FRK: variants seen among roughly 807,000 people sequenced by gnomAD.
The protein encoded by FRK is tyrosine-protein kinase FRK.
In FRK, 51 loss-of-function variants were observed where a neutral mutation model predicts 56.4. The ratio of observed to expected loss-of-function variants is 0.90; its 90% CI spans 0.72 to 1.14. The LOEUF (loss-of-function observed/expected upper bound fraction) is 1.14, where lower values mean the gene tolerates loss of function less well. Ranked by LOEUF, FRK falls within the 50% of genes most tolerant of loss-of-function variation. The pLI is 0.00. For synonymous variants in FRK, 245 were observed against 217.9 expected (o/e 1.12, Z -1.10); for missense variants, 570 against 601.4 (o/e 0.95, Z 0.55).
chr6:116,065,926 C>A, the FRK span, among the ~76,000 whole-genome samples: 1 of 152,138 alleles, frequency 6.6e-6, no homozygotes. Context: ...AAGCATATTG[C>A]CCTGTCTTTG....
Position 116,060,446 on chromosome 6 carries a change from C to T in FRK, c.-135G>A, listed in dbSNP as rs1389359937. The T allele has an allele frequency of 7.5e-6, 5 of 666,604 alleles. No individual in the cohort carries two copies. The highest frequency in any genetic ancestry group is 5.4e-5 in the African/African-American group (3 of 55,128). The allele number at this position is 666,604 out of a possible 1,614,324, so 41.3% of individuals were successfully genotyped here. A position where few individuals can be genotyped will look rare whatever the true frequency, so the allele number is the denominator to read the frequency against. On this transcript the variant is annotated 5_prime_UTR_variant, in exon 1 of 8. Transcript: ENST00000606080. ...ATACTTCGGAGAGTATGCAAAGTCC[C>T]GTTTCAGATCAGTCCAGCAGCTGGG...
At chr6:115,994,941 G>A (rs1440813330) in intron 2 of FRK, among the ~76,000 whole-genome samples, 1 of 152,094 alleles carries the variant, frequency 6.6e-6, no homozygotes, top group Non-Finnish European at 1.5e-5. Context: ...CACTGAGTTC[G>A]TTCCACTTAG....
chr6:116,057,048 C>T (rs978386930), intron 1 of FRK, among the ~76,000 whole-genome samples: 7 of 152,206 alleles, frequency 4.6e-5, no homozygotes, highest in South Asian at 2.1e-4. Context: ...GCACCAATAA[C>T]TCCAGAAGTA....
intron 5 of FRK, among the ~76,000 whole-genome samples, chr6:115,953,785 G>T (rs1157663215): frequency 6.6e-6 from 1 of 152,178 alleles, no homozygotes; most frequent in Non-Finnish European, 1.5e-5. Flanking sequence ...TCCCAATCTT[G>T]TTAGGTTCAG....
intron 1 of FRK, among the ~76,000 whole-genome samples, chr6:116,024,515 G>C (rs1168415988): frequency 1.3e-5 from 2 of 151,444 alleles, no homozygotes; most frequent in East Asian, 3.9e-4. Flanking sequence ...AATATGCGGT[G>C]TTTGGTTTTT....
At chr6:115,943,221 CA>C (rs1329830826) in intron 6 of FRK, 36 bp from the exon 7 acceptor site, 17 of 1,478,696 alleles carry the variant, frequency 1.1e-5, no homozygotes, top group Admixed American at 1.0e-4. Context: ...CGAGTTAAAG[CA>C]ATTTTTTTTT....
In FRK at chr6:115,937,474, A is replaced by C. The variant is rs1772071260; in HGVS notation, c.*4940T>G. 1.3e-5 allele frequency: 2 copies of C among 152,218 alleles called. No homozygotes were observed. Among genetic ancestry groups the C allele is most frequent in the Non-Finnish European group, 2.9e-5 (2 of 68,032 alleles). The allele number at this position is 152,218 out of a possible 1,614,324, so 9.4% of individuals were successfully genotyped here. A position where few individuals can be genotyped will look rare whatever the true frequency, so the allele number is the denominator to read the frequency against. On this transcript the variant is annotated 3_prime_UTR_variant, in exon 8 of 8. Coordinates refer to ENST00000606080, the MANE Select transcript of FRK (RefSeq NM_002031.3). ...TGACAGAATCAAATTCACACATAACAATACTAACCTTAAATGTAAACAGGC... is the reference window on the plus strand; with the variant it reads ...TGACAGAATCAAATTCACACATAACCATACTAACCTTAAATGTAAACAGGC...
Position 116,056,101 on chromosome 6 carries a change from A to G in FRK, c.344+3867T>C, listed in dbSNP as rs1245979571. Among the ~76,000 whole-genome samples, 3 of 152,196 alleles carry G rather than the reference A, an allele frequency of 2.0e-5. No homozygotes were observed. The South Asian group carries it at 6.2e-4, about 32-fold the overall frequency. ...TACCAATCCCCTTTCTGGGAGATTA[A>G]ACTGATCTCATCTCTGACCCTAGTT... On this transcript the variant is annotated intron_variant, in intron 1 of 7. Coordinates refer to ENST00000606080, the MANE Select transcript of FRK (RefSeq NM_002031.3).
chr6:115,962,369 A>T (rs1773410276), intron 4 of FRK, among the ~76,000 whole-genome samples: 2 of 150,934 alleles, frequency 1.3e-5, no homozygotes, highest in Non-Finnish European at 2.9e-5. Context: ...TTATGCACCC[A>T]ATACAGGAGC....
At chr6:115,950,942 T>G (rs1033878771) in intron 5 of FRK, among the ~76,000 whole-genome samples, 1 of 152,202 alleles carries the variant, frequency 6.6e-6, no homozygotes, top group Non-Finnish European at 1.5e-5. Context: ...CACTGCATGT[T>G]CTCACTCATA....
At chr6:115,954,948 C>T (rs756634840) in intron 5 of FRK, among the ~76,000 whole-genome samples, 8 of 151,876 alleles carry the variant, frequency 5.3e-5, no homozygotes, top group South Asian at 2.1e-4. Flanking sequence ...GTTAAGCCCT[C>T]GAGGATTTGG....
intron 1 of FRK, among the ~76,000 whole-genome samples, chr6:116,018,380 C>A (rs1775731226): frequency 6.6e-6 from 1 of 152,196 alleles, no homozygotes; most frequent in African/African-American, 2.4e-5. Flanking sequence ...TTAGGCAAAG[C>A]TCTTCTCACA....
chr6:115,972,252 C>T (rs1773829755), intron 2 of FRK, among the ~76,000 whole-genome samples: 1 of 152,202 alleles, frequency 6.6e-6, no homozygotes, highest in Non-Finnish European at 1.5e-5. Context: ...TTAGGAGACC[C>T]ACTTATGGTC....
chr6:116,061,784 C>CT (rs3840534), upstream of FRK, among the ~76,000 whole-genome samples: 109 of 151,566 alleles, frequency 7.2e-4, no homozygotes, highest in East Asian at 0.012. Context: ...CTCTATAAGA[C>CT]TTTTTTTTTA....
chr6:116,044,676 G>C (rs897110508), intron 1 of FRK, among the ~76,000 whole-genome samples: 1 of 152,172 alleles, frequency 6.6e-6, no homozygotes, highest in Non-Finnish European at 1.5e-5. Context: ...ATTGGCACAA[G>C]ACAAGGATGA....
chr6:115,962,215 T>A (rs1582654513), intron 4 of FRK, among the ~76,000 whole-genome samples: 1 of 125,728 alleles, frequency 8.0e-6, no homozygotes, highest in East Asian at 2.5e-4. Flanking sequence ...ACCAAGCCAA[T>A]GGAAAACAAA....
chr6:116,003,873 T>C lies in FRK; in HGVS notation c.466+4A>G. The C allele has an allele frequency of 6.2e-7, 1 of 1,613,342 alleles. No individual in the cohort carries two copies. The highest frequency in any genetic ancestry group is 8.5e-7 in the Non-Finnish European group (1 of 1,179,786). ...TATTGAATGACACAAAACAATACCC[T>C]TACCTGAAAGAGAGAATTCTCCTTT... On this transcript the variant is annotated splice_donor_region_variant and intron_variant, in intron 2 of 7. Transcript: ENST00000606080.
At chr6:115,969,441 G>T (rs1773717905) in intron 2 of FRK, among the ~76,000 whole-genome samples, 1 of 152,106 alleles carries the variant, frequency 6.6e-6, no homozygotes, top group South Asian at 2.1e-4. Flanking sequence ...ACCTAGTCTG[G>T]CTTGCAGTGG....
At chr6:116,069,234 T>A in the FRK span, among the ~76,000 whole-genome samples, 1 of 152,150 alleles carries the variant, frequency 6.6e-6, no homozygotes, top group African/African-American at 2.4e-5. Context: ...CTCTGAGGAC[T>A]TTTTTCTCAA....
Sources: allele counts gnomAD v4.1 joint callset (sites outside exome capture counted in the v4.1 genomes callset), GRCh38; gene constraint gnomAD v4.1.1; transcripts MANE v1.5; gene names NCBI Gene and HGNC (gene_info 2026-07-23, HGNC 2026-07-21).